Variants in MTMR7 observed in about 807,000 individuals in gnomAD.
MTMR7 encodes the protein phosphatidylinositol-3-phosphate phosphatase MTMR7.
A neutral mutation model predicts 81.2 loss-of-function variants in MTMR7; 76 were observed. The ratio of observed to expected loss-of-function variants is 0.94; its 90% confidence interval spans 0.78 to 1.13. The LOEUF is 1.13. Ranked by LOEUF, MTMR7 falls within the 50% of genes most tolerant of loss-of-function variation. The pLI is 0.00. For missense variants in MTMR7, 1,044 were observed against 820.0 expected (o/e 1.27, Z -3.34); for synonymous variants, 372 against 289.8 (o/e 1.28, Z -2.88).
intron 9 of MTMR7, among the ~76,000 whole-genome samples, chr8:17,310,142 TG>T (rs1817702168): frequency 2.0e-5 from 3 of 151,850 alleles, no homozygotes; most frequent in South Asian, 4.2e-4. Context: ...GGACCACAGG[TG>T]GGCTCCACCA....
At chr8:17,309,040 C>G (rs1817642952) in intron 10 of MTMR7, among the ~76,000 whole-genome samples, 1 of 152,208 alleles carries the variant, frequency 6.6e-6, no homozygotes, top group Admixed American at 6.5e-5. Context: ...AATGAACAAG[C>G]ATTCTCTGTC....
chr8:17,396,745 G>A (rs1315412685), intron 1 of MTMR7, among the ~76,000 whole-genome samples: 1 of 151,910 alleles, frequency 6.6e-6, no homozygotes, highest in Non-Finnish European at 1.5e-5. Flanking sequence ...GACACAAGCT[G>A]GGGTGGCTAA....
At chr8:17,302,341 C>G (rs145343479) in intron 12 of MTMR7, 61 bp from the exon 13 acceptor site, 1 of 1,551,120 alleles carries the variant, frequency 6.4e-7, no homozygotes, top group Non-Finnish European at 8.7e-7. Context: ...TTCACATCCT[C>G]AAGTCTTCTA....
intron 1 of MTMR7, among the ~76,000 whole-genome samples, chr8:17,408,076 G>A (rs1456332200): frequency 3.3e-5 from 5 of 152,154 alleles, no homozygotes; most frequent in African/African-American, 7.2e-5. Context: ...CCTAAAAAGT[G>A]GAAACCATCA....
chr8:17,412,648 G>C lies in MTMR7; in HGVS notation c.24+621C>G, dbSNP rs117224937. 6.8e-3 allele frequency among the ~76,000 whole-genome samples: 1,037 copies of C among 152,278 alleles called. 4 individuals carry two copies. The highest frequency in any genetic ancestry group is 0.024 in the South Asian group (117 of 4,814). ...ACAACAGTGCGTGACGAATCCGTAA[G>C]CTGCATCCTTTTCTCTAACGAACAA... On this transcript the variant is annotated intron_variant, in intron 1 of 13. Transcript: ENST00000180173.
At chr8:17,395,856 A>C (rs1821230335) in intron 1 of MTMR7, among the ~76,000 whole-genome samples, 2 of 152,146 alleles carry the variant, frequency 1.3e-5, no homozygotes, top group African/African-American at 4.8e-5. Context: ...CTAAGCATAG[A>C]AACCAGAAAA....
chr8:17,304,785 G>A (rs1432021973), intron 11 of MTMR7, among the ~76,000 whole-genome samples: 1 of 148,702 alleles, frequency 6.7e-6, no homozygotes, highest in Non-Finnish European at 1.5e-5. Flanking sequence ...GTTCTTTTGG[G>A]GGGAGTTTTT....
chr8:17,315,454 C>T (rs747020863), intron 7 of MTMR7, among the ~76,000 whole-genome samples: 6 of 152,050 alleles, frequency 3.9e-5, no homozygotes, highest in African/African-American at 7.2e-5. Flanking sequence ...AAGAGGGAAC[C>T]GTACAGTGGA....
At chr8:17,396,785 C>G (rs548231440) in intron 1 of MTMR7, among the ~76,000 whole-genome samples, 1 of 151,866 alleles carries the variant, frequency 6.6e-6, no homozygotes. Context: ...CTCTCACAAC[C>G]CCAGGCAGTG....
chr8:17,346,884 TAAAA>T (rs55910829), intron 5 of MTMR7, among the ~76,000 whole-genome samples: 31 of 65,050 alleles, frequency 4.8e-4, no homozygotes, highest in African/African-American at 1.0e-3. Flanking sequence ...CCTATCTTAA[TAAAA>T]AAAAAAAAAA....
chr8:17,407,443 A>G (rs1821620647), intron 1 of MTMR7, among the ~76,000 whole-genome samples: 1 of 152,218 alleles, frequency 6.6e-6, no homozygotes, highest in Admixed American at 6.5e-5. Context: ...TATACCAACT[A>G]TAAAACTATT....
At chr8:17,340,322 C>T (rs1819369238) in intron 6 of MTMR7, among the ~76,000 whole-genome samples, 1 of 152,244 alleles carries the variant, frequency 6.6e-6, no homozygotes, top group African/African-American at 2.4e-5. Flanking sequence ...ACATCCTGGA[C>T]TCCTCTGCTT....
intron 3 of MTMR7, among the ~76,000 whole-genome samples, chr8:17,365,024 T>A (rs1166466039): frequency 6.6e-6 from 1 of 152,228 alleles, no homozygotes; most frequent in Non-Finnish European, 1.5e-5. Context: ...TAATTTACAT[T>A]CCCACCAACA....
Position 17,403,571 on chromosome 8 carries a change from C to A in MTMR7, c.24+9698G>T, listed in dbSNP as rs1042237566. ...TTTGGCTATTCTGGGTCTTTTGTTACTCTATGTAACTTTTATGATTTTTTC... is the reference window on the plus strand; with the variant it reads ...TTTGGCTATTCTGGGTCTTTTGTTAATCTATGTAACTTTTATGATTTTTTC... On this transcript the variant is annotated intron_variant, in intron 1 of 13. Coordinates refer to ENST00000180173, the MANE Select transcript of MTMR7 (RefSeq NM_004686.5). Among the ~76,000 whole-genome samples the A allele has an allele frequency of 2.6e-5, 4 of 152,216 alleles. No individual in the cohort carries two copies. In the East Asian group the frequency reaches 7.7e-4, roughly 29 times the overall value.
At chr8:17,364,812 T>C (rs1236105158) in intron 3 of MTMR7, among the ~76,000 whole-genome samples, 1 of 151,190 alleles carries the variant, frequency 6.6e-6, no homozygotes, top group Non-Finnish European at 1.5e-5. Flanking sequence ...TATCTCTTCA[T>C]CCAATGATGG....
At position 17,300,226 on chromosome 8, in the gene MTMR7, TAAGA is replaced by T; in HGVS notation, c.1621-6_1621-3del. ...GACCTTTTGAATTTTTTCCAGCCTC[TAAGA>T]AAGAAATAACAATTTCAGGGGAAAA... On this transcript the variant is annotated splice_polypyrimidine_tract_variant and splice_region_variant and intron_variant, in intron 13 of 13. Coordinates refer to ENST00000180173, the MANE Select transcript of MTMR7 (RefSeq NM_004686.5). 1.3e-6 allele frequency: 2 copies of T among 1,596,504 alleles called. No homozygotes were observed. The highest frequency in any genetic ancestry group is 2.2e-5 in the East Asian group (1 of 44,644).
intron 4 of MTMR7, among the ~76,000 whole-genome samples, 180 bp downstream of exon 4, chr8:17,360,937 C>T (rs182218649): frequency 6.6e-6 from 1 of 152,224 alleles, no homozygotes; most frequent in East Asian, 1.9e-4. Flanking sequence ...CAGGTTCAAA[C>T]GTTTTGATTC....
chr8:17,311,470 C>A, intron 9 of MTMR7, 41 bp downstream of exon 9: 1 of 1,613,064 alleles, frequency 6.2e-7, no homozygotes, highest in Non-Finnish European at 8.5e-7. Flanking sequence ...CATTCCTGGT[C>A]AAGGCACCGC....
intron 1 of MTMR7, among the ~76,000 whole-genome samples, chr8:17,405,835 TACACACACACACACACACACACACAC>T (rs36233628): frequency 4.1e-5 from 5 of 120,932 alleles, no homozygotes; most frequent in Non-Finnish European, 5.8e-5. Flanking sequence ...CCCAAAACTA[TACACACACACACACACACACACACAC>T]ACACACACAC....
Sources: gnomAD v4.1 joint callset for allele counts (sites outside exome capture counted in the v4.1 genomes callset) on GRCh38, gnomAD v4.1.1 for gene constraint, MANE v1.5 for transcripts, NCBI Gene and HGNC (gene_info 2026-07-23, HGNC 2026-07-21) for gene names.